Variants in SGK3 observed in about 807,000 individuals in gnomAD.
The protein encoded by SGK3 is serine/threonine-protein kinase Sgk3.
SGK3 carries 47 observed loss-of-function variants against 68.5 expected under a neutral mutation model. The ratio of observed to expected loss-of-function variants is 0.69; its 90% confidence interval spans 0.54 to 0.87. The LOEUF is 0.87. Ranked by LOEUF, SGK3 falls within the 40% of genes least tolerant of loss-of-function variation. The pLI is 0.00. For synonymous variants in SGK3, 181 were observed against 189.1 expected, an observed-to-expected ratio of 0.96 and a Z score of 0.35; for missense variants, 479 against 575.5, an observed-to-expected ratio of 0.83 and a Z score of 1.72.
chr8:66,793,101 T>C (rs1343297384), intron 1 of SGK3, among the ~76,000 whole-genome samples: 1 of 152,160 alleles, frequency 6.6e-6, no homozygotes, highest in African/African-American at 2.4e-5. Context: ...AAAAGAATCA[T>C]CCACAGTTAT....
chr8:66,811,938 T>C (rs973916741), intron 4 of SGK3, among the ~76,000 whole-genome samples: 2 of 152,192 alleles, frequency 1.3e-5, no homozygotes, highest in African/African-American at 4.8e-5. Flanking sequence ...TTTAATGAGA[T>C]ACCTACCTGA....
At chr8:66,763,347 C>T (rs1806226257) in intron 1 of SGK3, among the ~76,000 whole-genome samples, 1 of 151,964 alleles carries the variant, frequency 6.6e-6, no homozygotes, top group Non-Finnish European at 1.5e-5. Context: ...TTTTTATGAT[C>T]GATTTTGCCA....
At chr8:66,793,011 ATGGGGTGG>A in intron 1 of SGK3, among the ~76,000 whole-genome samples, 1 of 152,308 alleles carries the variant, frequency 6.6e-6, no homozygotes, top group African/African-American at 2.4e-5. Context: ...CCCTTTGTTC[ATGGGGTGG>A]GATGATATTA....
intron 8 of SGK3, among the ~76,000 whole-genome samples, chr8:66,833,450 C>T (rs1339129546): frequency 6.6e-6 from 1 of 152,154 alleles, no homozygotes; most frequent in Non-Finnish European, 1.5e-5. Context: ...TTAAGTCCTC[C>T]CTTCTTCTTC....
intron 1 of SGK3, among the ~76,000 whole-genome samples, chr8:66,738,172 T>G (rs941580875): frequency 1.1e-4 from 16 of 152,210 alleles, no homozygotes; most frequent in African/African-American, 3.9e-4. Flanking sequence ...TGGTCTCCTT[T>G]ACTGCCTGTA....
intron 2 of SGK3, among the ~76,000 whole-genome samples, chr8:66,796,627 T>C (rs1193039848): frequency 6.6e-6 from 1 of 152,110 alleles, no homozygotes; most frequent in Non-Finnish European, 1.5e-5. Context: ...CTAGTTTTCA[T>C]AGGTAGTTTA....
At chr8:66,795,035 T>C (rs560115890) in intron 2 of SGK3, among the ~76,000 whole-genome samples, 1 of 152,358 alleles carries the variant, frequency 6.6e-6, no homozygotes, top group East Asian at 1.9e-4. Context: ...GTCCTTCACC[T>C]GCTCCTGGCT....
chr8:66,858,925 T>TAA (rs1810642134), intron 16 of SGK3, among the ~76,000 whole-genome samples: 1 of 152,036 alleles, frequency 6.6e-6, no homozygotes, highest in Non-Finnish European at 1.5e-5. Flanking sequence ...TAACTTGACC[T>TAA]AAATAATAAA....
intron 4 of SGK3, among the ~76,000 whole-genome samples, chr8:66,810,696 C>T (rs1008614143): frequency 1.3e-4 from 20 of 152,194 alleles, no homozygotes; most frequent in South Asian, 2.1e-4. Flanking sequence ...AATGAAACTC[C>T]GTCTCAACGA....
At chr8:66,736,717 T>C (rs1805326779) in intron 1 of SGK3, among the ~76,000 whole-genome samples, 1 of 151,908 alleles carries the variant, frequency 6.6e-6, no homozygotes, top group Non-Finnish European at 1.5e-5. Flanking sequence ...CCTCCAAGGT[T>C]CAAGTGATTC....
At chr8:66,840,150 A>G (rs758210693) in intron 11 of SGK3, 35 bp downstream of exon 11, 10 of 1,600,748 alleles carry the variant, frequency 6.2e-6, no homozygotes, top group East Asian at 4.5e-5. Flanking sequence ...AAAATTGTAT[A>G]TAACAATATT....
At chr8:66,745,299 C>T (rs908852836) in intron 1 of SGK3, among the ~76,000 whole-genome samples, 2 of 152,132 alleles carry the variant, frequency 1.3e-5, no homozygotes, top group South Asian at 2.1e-4. Context: ...TGGCCAGGCA[C>T]AGTGGCTCAC....
intron 1 of SGK3, among the ~76,000 whole-genome samples, chr8:66,732,836 G>A (rs1420667344): frequency 1.3e-5 from 2 of 151,454 alleles, no homozygotes; most frequent in East Asian, 1.9e-4. Context: ...CAGACTGAGA[G>A]AGACCACATA....
At position 66,729,839 on chromosome 8, in the gene SGK3, GA is replaced by G. The variant is rs535962091; in HGVS notation, c.-122+17007del. Among the ~76,000 whole-genome samples the G allele has an allele frequency of 1.0e-3, 158 of 152,138 alleles. No homozygotes were observed. In the Middle Eastern group the frequency reaches 0.017, roughly 16 times the overall value. ...GGCTCACTGCAACTTCCACCTCCCG[GA>G]TTCAAGTGATTCTTCTGCCTCGGCC... On this transcript the variant is annotated intron_variant, in intron 1 of 16. Coordinates refer to ENST00000521198, the MANE Select transcript of SGK3 (RefSeq NM_001033578.3).
chr8:66,752,790 G>C (rs1805857169), intron 1 of SGK3, among the ~76,000 whole-genome samples: 1 of 152,134 alleles, frequency 6.6e-6, no homozygotes. Context: ...CAAGGACATT[G>C]CTTGGGGAGA....
chr8:66,718,250 C>T (rs1804695587), intron 1 of SGK3, among the ~76,000 whole-genome samples: 1 of 148,054 alleles, frequency 6.8e-6, no homozygotes, highest in Admixed American at 6.7e-5. Flanking sequence ...GTCTCAAACT[C>T]CTGACCTCAA....
chr8:66,816,180 T>G (rs1302194666), intron 5 of SGK3, among the ~76,000 whole-genome samples: 3 of 151,570 alleles, frequency 2.0e-5, no homozygotes, highest in African/African-American at 7.3e-5. Context: ...TTTTTTGTAT[T>G]TTTAGTAGAG....
chr8:66,814,383 G>T (rs1181979921), intron 5 of SGK3, among the ~76,000 whole-genome samples: 1 of 152,188 alleles, frequency 6.6e-6, no homozygotes, highest in East Asian at 1.9e-4. Context: ...GGTGCTAGAA[G>T]ATAGCAGAGA....
chr8:66,735,451 G>A (rs145381476), intron 1 of SGK3, among the ~76,000 whole-genome samples: 4 of 152,290 alleles, frequency 2.6e-5, no homozygotes, highest in East Asian at 1.9e-4. Flanking sequence ...CTTCTCATGC[G>A]CTTTTAATGG....
Sources: gnomAD v4.1 joint callset for allele counts (sites outside exome capture counted in the v4.1 genomes callset) on GRCh38, gnomAD v4.1.1 for gene constraint, MANE v1.5 for transcripts, NCBI Gene and HGNC (gene_info 2026-07-23, HGNC 2026-07-21) for gene names.